The following TNFRSF11B variants were observed in gnomAD, a reference collection of about 807,000 sequenced individuals.
TNFRSF11B encodes the protein TNF receptor superfamily member 11b.
In TNFRSF11B, 16 loss-of-function variants were observed where a neutral mutation model predicts 43.4. That is an observed-to-expected ratio of 0.37 (90% CI 0.25 to 0.56). The LOEUF is 0.56. Ranked by LOEUF, TNFRSF11B falls within the 20% of genes least tolerant of loss-of-function variation. The pLI is 0.80. For synonymous variants in TNFRSF11B, 185 were observed against 181.8 expected, an observed-to-expected ratio of 1.02 and a Z score of -0.14; for missense variants, 444 against 490.1, an observed-to-expected ratio of 0.91 and a Z score of 0.89.
intron 1 of TNFRSF11B, among the ~76,000 whole-genome samples, chr8:118,948,807 C>T (rs1039741232): frequency 6.6e-6 from 1 of 150,818 alleles, no homozygotes; most frequent in African/African-American, 2.4e-5. Context: ...AAAAACTTAA[C>T]CACTAGGGGG....
chr8:118,941,272 C>T (rs1368822790), intron 1 of TNFRSF11B, among the ~76,000 whole-genome samples: 9 of 152,180 alleles, frequency 5.9e-5, no homozygotes, highest in Non-Finnish European at 1.3e-4. Context: ...AGTTCCCCAC[C>T]TGAGAGTCTA....
intron 1 of TNFRSF11B, among the ~76,000 whole-genome samples, chr8:118,937,106 T>C (rs1270749538): frequency 2.6e-5 from 4 of 152,342 alleles, no homozygotes; most frequent in South Asian, 4.1e-4. Flanking sequence ...ATTTTTAATA[T>C]TGAGCAATGT....
intron 2 of TNFRSF11B, 196 bp from the exon 3 acceptor site, chr8:118,929,125 C>T (rs11573921): frequency 0.029 from 17,264 of 602,642 alleles, 2,269 homozygotes; most frequent in African/African-American, 0.28. Context: ...GGCAGTTTCT[C>T]CTCCTTGTAA....
chr8:118,927,551 A>ATT (rs10675780), intron 3 of TNFRSF11B, among the ~76,000 whole-genome samples: 16,089 of 136,154 alleles, frequency 0.12, 1,913 homozygotes, highest in African/African-American at 0.3. Context: ...CCCTTCCTTC[A>ATT]TTTTTTTTTT....
intron 1 of TNFRSF11B, among the ~76,000 whole-genome samples, chr8:118,945,720 G>A (rs1012322805): frequency 1.3e-5 from 2 of 151,938 alleles, no homozygotes; most frequent in African/African-American, 2.4e-5. Context: ...CATTTTTTTG[G>A]AACAAGAAAG....
chr8:118,931,361 T>C (rs547318055), intron 2 of TNFRSF11B, among the ~76,000 whole-genome samples: 1 of 152,206 alleles, frequency 6.6e-6, no homozygotes, highest in Admixed American at 6.5e-5. Context: ...GTCTTCTGGC[T>C]GCCTGCTTGC....
chr8:118,924,430 A>G lies in TNFRSF11B; in HGVS notation c.1150T>C (p.Leu384=), dbSNP rs1804854. The G allele has an allele frequency of 0.015, 24,928 of 1,614,076 alleles. 3,219 individuals carry two copies. In the African/African-American group the frequency reaches 0.28, roughly 18 times the overall value. ...SFTMYKLYQK[L]FLEMIGNQVQ... ...TGGTTACCTATCATTTCTAAAAATA[A>G]CTTCTGATACAATTTGTACATTGTG... is the stretch of plus-strand genomic sequence containing the variant. Residue 384 remains leucine, a synonymous_variant, in exon 5 of 5, where the codon TTA becomes CTA. Coordinates refer to ENST00000297350, the MANE Select transcript of TNFRSF11B (RefSeq NM_002546.4).
intron 1 of TNFRSF11B, among the ~76,000 whole-genome samples, chr8:118,950,364 G>C (rs1812624223): frequency 6.6e-6 from 1 of 152,194 alleles, no homozygotes; most frequent in South Asian, 2.1e-4. Context: ...TCCTACAGTA[G>C]AGATGAATCT....
Position 118,933,359 on chromosome 8 carries a change from T to C in TNFRSF11B, c.31-59A>G, listed in dbSNP as rs936421588. 4 of 1,600,482 alleles carry C rather than the reference T, an allele frequency of 2.5e-6. No homozygotes were observed. In the Admixed American group the frequency reaches 5.0e-5, roughly 20 times the overall value. On this transcript the variant is annotated intron_variant, in intron 1 of 4. Transcript: ENST00000297350. Reference sequence around the variant, plus strand: ...TAGCATGAAAATAGGTTTGTTCTTATGTGCAACAGTATCATTTGACTCAAA... The same window carrying C: ...TAGCATGAAAATAGGTTTGTTCTTACGTGCAACAGTATCATTTGACTCAAA...
At chr8:118,925,839 C>T (rs1180446759) in intron 4 of TNFRSF11B, among the ~76,000 whole-genome samples, 1 of 152,212 alleles carries the variant, frequency 6.6e-6, no homozygotes, top group Non-Finnish European at 1.5e-5. Flanking sequence ...GATTCTTTCA[C>T]ACTTCTCTCC....
rs751552719 is a variant in TNFRSF11B at position 118,933,016 on chromosome 8, G to A, written c.315C>T (p.Cys105=). The A allele has an allele frequency of 1.5e-5, 24 of 1,613,974 alleles. No individual in the cohort carries two copies. Among genetic ancestry groups the A allele is most frequent in the Middle Eastern group, 1.6e-4 (1 of 6,084 alleles). ...CAAGGTAGCGCCCTTCCTTGCATTC[G>A]CACACGCGGTTGTGGGTGCGATTGC... is the stretch of plus-strand genomic sequence containing the variant. The part of the protein sequence containing the change: ...QECNRTHNRV[C]ECKEGRYLEI... The change falls in exon 2 of 5, where the codon TGC becomes TGT. Residue 105 remains cysteine (C), a synonymous_variant. Coordinates refer to ENST00000297350, the MANE Select transcript of TNFRSF11B (RefSeq NM_002546.4).
At chr8:118,951,740 GGCAGCA>G (rs1392550120) in intron 1 of TNFRSF11B, 46 bp downstream of exon 1, 2 of 1,539,278 alleles carry the variant, frequency 1.3e-6, no homozygotes, top group Non-Finnish European at 1.8e-6. Flanking sequence ...GAGACCAGGT[GGCAGCA>G]GCCTCCCCAG....
chr8:118,932,976 A>G lies in TNFRSF11B; in HGVS notation c.355T>C (p.Leu119=). The G allele has an allele frequency of 1.2e-6, 2 of 1,614,170 alleles. No individual in the cohort carries two copies. Among genetic ancestry groups the G allele is most frequent in the South Asian group, 1.1e-5 (1 of 91,084 alleles). ...EGRYLEIEFC[L]KHRSCPPGFG... ...CCAGGAGGGCAGCTCCTATGTTTCA[A>G]GCAGAACTCTATCTCAAGGTAGCGC... Residue 119 remains leucine, a synonymous_variant, in exon 2 of 5, where the codon TTG becomes CTG. Coordinates refer to ENST00000297350, the MANE Select transcript of TNFRSF11B (RefSeq NM_002546.4).
At position 118,926,557 on chromosome 8, in the gene TNFRSF11B, G is replaced by T. The variant is rs1257909895; in HGVS notation, c.754C>A (p.Gln252Lys). The T allele has an allele frequency of 2.5e-6, 4 of 1,614,060 alleles. 1 individual carries two copies. The highest frequency in any genetic ancestry group is 3.4e-6 in the Non-Finnish European group (4 of 1,179,984). The change falls in exon 4 of 5, where the codon CAG becomes AAG. Residue 252 changes from glutamine to lysine, a missense_variant. Transcript: ENST00000297350. ...RQHSSQEQTFQLLKLWKHQNK... is the reference protein window; with the variant it reads ...RQHSSQEQTFKLLKLWKHQNK... ...TGATGTTTCCATAACTTCAGCAGCT[G>T]GAAAGTCTGTTCTTGTGAGCTGTGT...
In TNFRSF11B at chr8:118,928,687, G is replaced by C. The variant is rs779070756; in HGVS notation, c.592+51C>G. On this transcript the variant is annotated intron_variant, in intron 3 of 4. Coordinates refer to ENST00000297350, the MANE Select transcript of TNFRSF11B (RefSeq NM_002546.4). Reference sequence around the variant, plus strand: ...GGAGGCCTTGTGTTCAACTCAGAGAGAGAGATGATACTACAAAATCGTACA... The same window carrying C: ...GGAGGCCTTGTGTTCAACTCAGAGACAGAGATGATACTACAAAATCGTACA... 3.8e-6 allele frequency: 6 copies of C among 1,588,702 alleles called. No homozygotes were observed. In the Admixed American group the frequency reaches 5.0e-5, roughly 13 times the overall value.
At chr8:118,930,747 G>A (rs1812316742) in intron 2 of TNFRSF11B, 4 of 451,758 alleles carry the variant, frequency 8.9e-6, no homozygotes, top group South Asian at 6.2e-5. Context: ...ACATATCTGT[G>A]GCTTGGGTCT....
intron 1 of TNFRSF11B, among the ~76,000 whole-genome samples, chr8:118,940,895 C>T (rs1812475943): frequency 6.6e-6 from 1 of 152,118 alleles, no homozygotes; most frequent in African/African-American, 2.4e-5. Context: ...AATAATTTGT[C>T]TCCATATTTC....
At chr8:118,941,729 AAAAAC>A (rs1812490801) in intron 1 of TNFRSF11B, among the ~76,000 whole-genome samples, 1 of 151,732 alleles carries the variant, frequency 6.6e-6, no homozygotes, top group South Asian at 2.1e-4. Context: ...CAAAAAAACA[AAAAAC>A]AAAAACAAGA....
intron 1 of TNFRSF11B, among the ~76,000 whole-genome samples, chr8:118,937,924 G>T (rs1812425831): frequency 6.6e-6 from 1 of 152,100 alleles, no homozygotes; most frequent in African/African-American, 2.4e-5. Flanking sequence ...ACAGAGGAAT[G>T]AATGTTTACT....
Sources: allele counts gnomAD v4.1 joint callset (sites outside exome capture counted in the v4.1 genomes callset), GRCh38; gene constraint gnomAD v4.1.1; transcripts MANE v1.5; gene names NCBI Gene and HGNC (gene_info 2026-07-23, HGNC 2026-07-21).